The following ALCAM variants were observed in gnomAD, a reference collection of about 807,000 sequenced individuals.
The protein encoded by ALCAM is CD166 antigen.
A neutral mutation model predicts 70.9 loss-of-function variants in ALCAM; 30 were observed. The ratio of observed to expected loss-of-function variants is 0.42; its 90% CI spans 0.32 to 0.57. ALCAM has a LOEUF of 0.57. ALCAM is among the 20% of genes least tolerant of loss of function. The probability of loss-of-function intolerance (pLI) is 0.11; values close to 1 mark genes in which losing one functional copy is unlikely to be tolerated. For synonymous variants in ALCAM, 249 were observed against 242.5 expected (o/e 1.03, Z -0.25); for missense variants, 591 against 695.1 (o/e 0.85, Z 1.68).
At position 105,368,726 on chromosome 3, in the gene ALCAM, T is replaced by C. The variant is rs569456620; in HGVS notation, c.73+1245T>C. On this transcript the variant is annotated intron_variant, in intron 1 of 15. Transcript: ENST00000306107. ...CAGAGCCTGAGGAAGAGATTACAAG[T>C]GTTTGCGAGCTGCTGCTGCTGCTGC... Among the ~76,000 whole-genome samples the C allele has an allele frequency of 3.3e-5, 5 of 151,922 alleles. No individual in the cohort carries two copies. In the South Asian group the frequency reaches 8.3e-4, roughly 25 times the overall value.
At chr3:105,517,951 G>T (rs78328658) in intron 1 of ALCAM, among the ~76,000 whole-genome samples, 2,281 of 152,118 alleles carry the variant, frequency 0.015, 26 homozygotes, top group Middle Eastern at 0.037. Context: ...TCCCTGTTCT[G>T]ATTGTGCTTT....
At chr3:105,368,724 A>C (rs1273525064) in intron 1 of ALCAM, among the ~76,000 whole-genome samples, 6 of 152,004 alleles carry the variant, frequency 3.9e-5, no homozygotes, top group Non-Finnish European at 7.4e-5. Flanking sequence ...AGAGATTACA[A>C]GTGTTTGCGA....
rs757361171 is a variant in ALCAM at position 105,547,566 on chromosome 3, G to A, written c.1374+43G>A. 6 of 1,589,838 alleles carry A rather than the reference G, an allele frequency of 3.8e-6. No homozygotes were observed. In the South Asian group the frequency reaches 6.9e-5, roughly 18 times the overall value. The stretch of plus-strand genomic sequence containing the variant: ...TGTTATATGCTGCACTTCGTCCAAT[G>A]CGTTTTTTTTCCTTCACGAACCTAC... On this transcript the variant is annotated intron_variant, in intron 11 of 15. Coordinates refer to ENST00000306107, the MANE Select transcript of ALCAM (RefSeq NM_001627.4).
chr3:105,496,827 G>GGGGGGTGT (rs755792411), intron 1 of ALCAM, among the ~76,000 whole-genome samples: 7 of 103,826 alleles, frequency 6.7e-5, no homozygotes, highest in Non-Finnish European at 1.1e-4. Flanking sequence ...GTCCAATTGA[G>GGGGGGTGT]GTGTGTGTGT....
intron 1 of ALCAM, among the ~76,000 whole-genome samples, chr3:105,466,606 C>A (rs181706743): frequency 6.6e-6 from 1 of 151,410 alleles, no homozygotes; most frequent in East Asian, 1.9e-4. Flanking sequence ...ACTTGTCCAT[C>A]TAACTTAATC....
chr3:105,410,569 G>A (rs1936362465), intron 1 of ALCAM, among the ~76,000 whole-genome samples: 1 of 151,850 alleles, frequency 6.6e-6, no homozygotes, highest in South Asian at 2.1e-4. Flanking sequence ...TGTATCTCCG[G>A]GGATATAGGC....
intron 14 of ALCAM, among the ~76,000 whole-genome samples, chr3:105,557,304 A>T (rs1246525413): frequency 6.6e-6 from 1 of 152,046 alleles, no homozygotes; most frequent in Non-Finnish European, 1.5e-5. Flanking sequence ...TTATCAAACC[A>T]TAAATAATAG....
intron 1 of ALCAM, among the ~76,000 whole-genome samples, chr3:105,414,298 C>T (rs117623948): frequency 6.6e-6 from 1 of 151,534 alleles, no homozygotes; most frequent in African/African-American, 2.4e-5. Context: ...CACCTATGGT[C>T]CTAGGAACTC....
At chr3:105,497,168 A>G (rs1431412694) in intron 1 of ALCAM, among the ~76,000 whole-genome samples, 1 of 152,190 alleles carries the variant, frequency 6.6e-6, no homozygotes, top group Non-Finnish European at 1.5e-5. Flanking sequence ...TTAAAAAGCT[A>G]TGAATCATTT....
At chr3:105,403,861 T>G (rs1936153603) in intron 1 of ALCAM, among the ~76,000 whole-genome samples, 1 of 150,702 alleles carries the variant, frequency 6.6e-6, no homozygotes, top group African/African-American at 2.4e-5. Context: ...AAAGGAAAAT[T>G]CTTCAGTGAA....
chr3:105,538,941 T>G, intron 6 of ALCAM, among the ~76,000 whole-genome samples: 1 of 152,106 alleles, frequency 6.6e-6, no homozygotes, highest in Non-Finnish European at 1.5e-5. Flanking sequence ...CTGCACTTTA[T>G]CTATAGAAAG....
At chr3:105,382,672 G>A (rs2107337430) in intron 1 of ALCAM, among the ~76,000 whole-genome samples, 1 of 152,088 alleles carries the variant, frequency 6.6e-6, no homozygotes, top group African/African-American at 2.4e-5. Flanking sequence ...GTTTTGATTT[G>A]CATTTCTCTG....
chr3:105,386,874 C>A (rs1393622997), intron 1 of ALCAM, among the ~76,000 whole-genome samples: 1 of 151,438 alleles, frequency 6.6e-6, no homozygotes, highest in Non-Finnish European at 1.5e-5. Flanking sequence ...GTTTGGAATG[C>A]TGTTCTTTTG....
At chr3:105,416,996 T>G (rs1232236233) in intron 1 of ALCAM, among the ~76,000 whole-genome samples, 1 of 151,956 alleles carries the variant, frequency 6.6e-6, no homozygotes, top group Non-Finnish European at 1.5e-5. Context: ...AAATCCTTGA[T>G]ATGAGCTATA....
chr3:105,535,139 TGACA>T (rs989484778), intron 6 of ALCAM, among the ~76,000 whole-genome samples: 2 of 152,158 alleles, frequency 1.3e-5, no homozygotes, highest in African/African-American at 4.8e-5. Flanking sequence ...TCTGGATGAA[TGACA>T]GACAAATATA....
At chr3:105,571,408 A>G (rs940533063) in intron 14 of ALCAM, among the ~76,000 whole-genome samples, 3 of 152,196 alleles carry the variant, frequency 2.0e-5, no homozygotes, top group African/African-American at 4.8e-5. Flanking sequence ...TCATAAAGAT[A>G]GACATAGGGT....
At chr3:105,380,666 T>C (rs2107332965) in intron 1 of ALCAM, among the ~76,000 whole-genome samples, 1 of 152,064 alleles carries the variant, frequency 6.6e-6, no homozygotes, top group Middle Eastern at 3.4e-3. Flanking sequence ...AATGATTTTA[T>C]TACATTCTAT....
At position 105,575,493 on chromosome 3, in the gene ALCAM, C is replaced by T. The variant is rs1441915180; in HGVS notation, c.*1042C>T. 6.6e-6 allele frequency: 1 copy of T among 152,340 alleles called. No homozygotes were observed. The highest frequency in any genetic ancestry group is 1.5e-5 in the Non-Finnish European group (1 of 67,986). The allele number at this position is 152,340 out of a possible 1,614,324, so 9.4% of individuals were successfully genotyped here. On this transcript the variant is annotated 3_prime_UTR_variant, in exon 16 of 16. Coordinates refer to ENST00000306107, the MANE Select transcript of ALCAM (RefSeq NM_001627.4). ...TTCGTGTGTGTTTTTGTTAACTACC[C>T]TACAGATATTGAATGCACCTTGAGA... is the stretch of plus-strand genomic sequence containing the variant.
chr3:105,474,615 G>T (rs1253258384), intron 1 of ALCAM, among the ~76,000 whole-genome samples: 2 of 151,558 alleles, frequency 1.3e-5, no homozygotes, highest in East Asian at 1.9e-4. Context: ...GAGAGAGAGA[G>T]AGAGCGAGAA....
Sources: gnomAD v4.1 joint callset for allele counts (sites outside exome capture counted in the v4.1 genomes callset) on GRCh38, gnomAD v4.1.1 for gene constraint, MANE v1.5 for transcripts, NCBI Gene and HGNC (gene_info 2026-07-23, HGNC 2026-07-21) for gene names.